WDR5: variants seen among roughly 807,000 people sequenced by gnomAD.
The protein encoded by WDR5 is WD repeat domain 5.
For synonymous variants in WDR5, 144 were observed against 161.6 expected (o/e 0.89, Z 0.83); for missense variants, 187 against 416.9 (o/e 0.45, Z 4.80).
At chr9:134,151,530 T>C (rs569462553) in intron 8 of WDR5, among the ~76,000 whole-genome samples, 24 of 152,228 alleles carry the variant, frequency 1.6e-4, no homozygotes, top group Non-Finnish European at 2.9e-4. Context: ...TTGTACCTTC[T>C]GGGAATAGTC....
At chr9:134,142,479 G>A (rs979380100) in intron 6 of WDR5, 57 bp downstream of exon 6, 24 of 1,597,892 alleles carry the variant, frequency 1.5e-5, no homozygotes, top group Middle Eastern at 1.7e-4. Flanking sequence ...TGGGAAGGCT[G>A]TTGAATTTGC....
At chr9:134,154,579 C>T in intron 10 of WDR5, 38 bp downstream of exon 10, 8 of 1,606,206 alleles carry the variant, frequency 5.0e-6, no homozygotes, top group Non-Finnish European at 6.8e-6. Flanking sequence ...GGGCATGTGG[C>T]CTCCCCAGCC....
rs1484340307 is a variant in WDR5, at chr9:134,157,637, AG to A, written c.905-253del. ...CGTGTGGGGCTCCTGGTCTGCAGGC[AG>A]GGCTGGCACTCCCTGTGGCCTCCTG... On this transcript the variant is annotated intron_variant, in intron 13 of 13. Transcript: ENST00000358625. This position sits in a 1 kb window ranked among gnomAD's most constrained non-coding sequence, Gnocchi z 5.0. Among the ~76,000 whole-genome samples, 2 of 152,044 alleles carry A rather than the reference AG, an allele frequency of 1.3e-5. No homozygotes were observed. Among genetic ancestry groups the A allele is most frequent in the Non-Finnish European group, 2.9e-5 (2 of 67,972 alleles).
Position 134,153,235 on chromosome 9 carries a change from A to C in WDR5, c.631+1206A>C, listed in dbSNP as rs539273586. ...ACCTCTGAGGAGGGGGGTTGTCCTCATCCTGCATAGAGGCTCATTCACTAG... is the reference window on the plus strand; with the variant it reads ...ACCTCTGAGGAGGGGGGTTGTCCTCCTCCTGCATAGAGGCTCATTCACTAG... On this transcript the variant is annotated intron_variant, in intron 9 of 13. Transcript: ENST00000358625. 5.9e-5 allele frequency among the ~76,000 whole-genome samples: 9 copies of C among 152,250 alleles called. No individual in the cohort carries two copies. In the South Asian group the frequency reaches 1.9e-3, roughly 32 times the overall value.
At chr9:134,142,079 G>A (rs1831920278) in intron 5 of WDR5, 41 bp downstream of exon 5, 2 of 1,589,006 alleles carry the variant, frequency 1.3e-6, no homozygotes, top group Non-Finnish European at 8.6e-7. Flanking sequence ...GAGACCGGCT[G>A]CAGGGCACGG....
intron 13 of WDR5, 63 bp downstream of exon 13, chr9:134,156,656 G>A (rs570515492): frequency 6.4e-7 from 1 of 1,555,824 alleles, no homozygotes; most frequent in South Asian, 1.1e-5. Context: ...TCCTGCAGGT[G>A]AAGCGTGGTG....
intron 1 of WDR5, among the ~76,000 whole-genome samples, chr9:134,137,941 C>G (rs911486448): frequency 2.0e-5 from 3 of 152,134 alleles, no homozygotes; most frequent in African/African-American, 7.2e-5. Context: ...GGGGGTTTCT[C>G]CATGCTGGTC....
At chr9:134,142,526 T>G in intron 6 of WDR5, 104 bp downstream of exon 6, 2 of 1,555,110 alleles carry the variant, frequency 1.3e-6, no homozygotes, top group Non-Finnish European at 1.8e-6. Context: ...GGGCCCTGAG[T>G]CCTTTCTGTG....
intron 1 of WDR5, among the ~76,000 whole-genome samples, chr9:134,137,813 G>A (rs71505283): frequency 0.011 from 1,667 of 152,304 alleles, 17 homozygotes; most frequent in Middle Eastern, 0.024. Flanking sequence ...GAGTGCAGTG[G>A]CGCAATCTTG....
chr9:134,142,092 C>A, intron 5 of WDR5, 54 bp downstream of exon 5: 8 of 1,498,158 alleles, frequency 5.3e-6, no homozygotes, highest in Non-Finnish European at 5.5e-6. Context: ...GGGCACGGGG[C>A]AGGTGCGGGG....
At chr9:134,148,674 G>C (rs1041038401) in intron 8 of WDR5, among the ~76,000 whole-genome samples, 6 of 152,168 alleles carry the variant, frequency 3.9e-5, no homozygotes, top group Non-Finnish European at 8.8e-5. Flanking sequence ...GACCCCTTGA[G>C]GTGAAAGCTG....
At position 134,148,629 on chromosome 9, in the gene WDR5, G is replaced by A. The variant is rs915533898; in HGVS notation, c.584+286G>A. On this transcript the variant is annotated intron_variant, in intron 8 of 13. Coordinates refer to ENST00000358625, the MANE Select transcript of WDR5 (RefSeq NM_017588.3). ...TTCAGCTCCGTGTAGACGCTGACGTGTGCTGTTCACACGCTCGTGGAAAAT... is the reference window on the plus strand; with the variant it reads ...TTCAGCTCCGTGTAGACGCTGACGTATGCTGTTCACACGCTCGTGGAAAAT... Among the ~76,000 whole-genome samples, 4 of 152,134 alleles carry A rather than the reference G, an allele frequency of 2.6e-5. 1 individual carries two copies. Among genetic ancestry groups the A allele is most frequent in the Admixed American group, 2.6e-4 (4 of 15,278 alleles).
chr9:134,154,576 T>C (rs1188504175), intron 10 of WDR5, 35 bp downstream of exon 10: 1 of 1,609,058 alleles, frequency 6.2e-7, no homozygotes, highest in Admixed American at 1.7e-5. Context: ...GGCGGGCATG[T>C]GGCCTCCCCA....
chr9:134,149,545 C>G (rs1028908561), intron 8 of WDR5, among the ~76,000 whole-genome samples: 1 of 152,242 alleles, frequency 6.6e-6, no homozygotes, highest in African/African-American at 2.4e-5. Flanking sequence ...CAGGGCCTCT[C>G]TGGTGCCACC....
intron 9 of WDR5, among the ~76,000 whole-genome samples, chr9:134,153,967 AGGGCTGCAGAGTCCAGCTGATAGGCCTGG>A (rs1399056046): frequency 1.3e-5 from 2 of 152,178 alleles, no homozygotes; most frequent in East Asian, 1.9e-4. Context: ...CTCTGCCCTC[AGGGCTGCAGAGTCCAGCTGATAGGCCTGG>A]GGCATTAGCT....
intron 7 of WDR5, among the ~76,000 whole-genome samples, chr9:134,147,617 G>A (rs550579444): frequency 6.6e-6 from 1 of 152,222 alleles, no homozygotes; most frequent in East Asian, 1.9e-4. Flanking sequence ...TCCCATCCCC[G>A]AATCATTAAA....
intron 3 of WDR5, 151 bp from the exon 4 acceptor site, chr9:134,141,359 C>A: frequency 1.5e-6 from 1 of 674,112 alleles, no homozygotes; most frequent in Non-Finnish European, 2.6e-6. Context: ...GACTGGTCCT[C>A]TCAGGCATGT....
chr9:134,142,831 C>G, intron 7 of WDR5, 112 bp downstream of exon 7: 1 of 1,038,218 alleles, frequency 9.6e-7, no homozygotes, highest in Non-Finnish European at 1.5e-6. Flanking sequence ...CTGTGCCTAG[C>G]TGATTCCTGC....
intron 13 of WDR5, among the ~76,000 whole-genome samples, chr9:134,156,957 C>T (rs1316431807): frequency 6.6e-6 from 1 of 152,234 alleles, no homozygotes; most frequent in African/African-American, 2.4e-5. Flanking sequence ...CCTGGAGGCT[C>T]TGGCTCCTTT....
Sources: allele counts gnomAD v4.1 joint callset (sites outside exome capture counted in the v4.1 genomes callset), GRCh38; gene constraint gnomAD v4.1.1; non-coding constraint Gnocchi (gnomAD v3.1); transcripts MANE v1.5; gene names NCBI Gene and HGNC (gene_info 2026-07-23, HGNC 2026-07-21).